SLC2A13: variants seen among roughly 807,000 people sequenced by gnomAD.
SLC2A13 encodes solute carrier family 2 member 13, also known as proton myo-inositol cotransporter.
Under a neutral mutation model 64.4 loss-of-function variants are expected in SLC2A13, and 32 were observed. The observed-to-expected ratio is 0.50, with a 90% CI of 0.37 to 0.67. The LOEUF is 0.67. Among genes scored for constraint, SLC2A13 ranks in the 30% least tolerant of loss-of-function variants. SLC2A13 has a pLI of 0.00. For missense variants in SLC2A13, 743 were observed against 829.2 expected (o/e 0.90, Z 1.28); for synonymous variants, 338 against 327.1 (o/e 1.03, Z -0.36).
chr12:39,795,023 C>T (rs1337396100), intron 7 of SLC2A13, among the ~76,000 whole-genome samples: 1 of 152,120 alleles, frequency 6.6e-6, no homozygotes, highest in Non-Finnish European at 1.5e-5. Context: ...TATTGTCTTA[C>T]TGCTGGGATG....
chr12:39,936,618 C>T (rs560651540), intron 4 of SLC2A13, among the ~76,000 whole-genome samples: 10 of 152,076 alleles, frequency 6.6e-5, no homozygotes, highest in Non-Finnish European at 1.3e-4. Flanking sequence ...CAAGGCCTGA[C>T]AGAAAATGGA....
At chr12:40,101,515 C>T (rs890065100) in intron 1 of SLC2A13, among the ~76,000 whole-genome samples, 1 of 152,110 alleles carries the variant, frequency 6.6e-6, no homozygotes, top group Non-Finnish European at 1.5e-5. Flanking sequence ...ATTTCAAAGA[C>T]ATGAGAAGAC....
chr12:40,078,552 A>C (rs1046256940), intron 1 of SLC2A13, among the ~76,000 whole-genome samples: 4 of 152,116 alleles, frequency 2.6e-5, no homozygotes, highest in South Asian at 2.1e-4. Context: ...TGTTTTGTTA[A>C]GGATTTTTGT....
At chr12:39,921,990 C>G (rs928144721) in intron 4 of SLC2A13, among the ~76,000 whole-genome samples, 6 of 151,304 alleles carry the variant, frequency 4.0e-5, no homozygotes, top group African/African-American at 1.5e-4. Flanking sequence ...AGTTTCAGCT[C>G]TAGTGCTTAT....
chr12:40,064,486 T>C (rs1215288746), intron 1 of SLC2A13, among the ~76,000 whole-genome samples: 4 of 152,028 alleles, frequency 2.6e-5, no homozygotes, highest in Non-Finnish European at 5.9e-5. Flanking sequence ...AAAATGACAA[T>C]AATCTCTGAA....
chr12:40,030,099 A>C (rs1043744876), intron 2 of SLC2A13, among the ~76,000 whole-genome samples: 1 of 152,190 alleles, frequency 6.6e-6, no homozygotes, highest in Non-Finnish European at 1.5e-5. Context: ...TTCTACATTA[A>C]CTAACCAGAA....
chr12:39,966,044 T>C (rs1452740872), intron 3 of SLC2A13, among the ~76,000 whole-genome samples: 1 of 151,528 alleles, frequency 6.6e-6, no homozygotes, highest in Non-Finnish European at 1.5e-5. Context: ...CTTTTTTTCA[T>C]ATATATATAC....
chr12:40,078,197 G>C (rs1305566407), intron 1 of SLC2A13, among the ~76,000 whole-genome samples: 1 of 152,156 alleles, frequency 6.6e-6, no homozygotes, highest in African/African-American at 2.4e-5. Context: ...CTGAATAGGA[G>C]TGGTGAGATT....
intron 7 of SLC2A13, among the ~76,000 whole-genome samples, chr12:39,805,646 C>T (rs962539305): frequency 1.1e-4 from 16 of 152,134 alleles, no homozygotes; most frequent in Admixed American, 2.6e-4. Flanking sequence ...CTGCTGACAG[C>T]GCTCCTTAAA....
intron 1 of SLC2A13, among the ~76,000 whole-genome samples, chr12:40,100,738 C>T (rs1293662878): frequency 6.6e-6 from 1 of 151,984 alleles, no homozygotes; most frequent in African/African-American, 2.4e-5. Context: ...CCGAAGCAGG[C>T]AGATCACCTG....
At chr12:40,035,760 A>G (rs1947974135) in intron 2 of SLC2A13, among the ~76,000 whole-genome samples, 1 of 152,210 alleles carries the variant, frequency 6.6e-6, no homozygotes, top group African/African-American at 2.4e-5. Context: ...ATAGCTTAGA[A>G]GAAGACTCCA....
chr12:39,772,166 G>T (rs982473464), intron 7 of SLC2A13, among the ~76,000 whole-genome samples: 10 of 152,086 alleles, frequency 6.6e-5, no homozygotes, highest in Non-Finnish European at 2.9e-5. Context: ...TCATCCCAGG[G>T]AGTACAGCAT....
At chr12:39,972,245 G>T (rs1480460578) in intron 3 of SLC2A13, among the ~76,000 whole-genome samples, 1 of 151,626 alleles carries the variant, frequency 6.6e-6, no homozygotes, top group Admixed American at 6.6e-5. Context: ...AGGAACACAG[G>T]AACAGCACTT....
At chr12:39,869,538 G>A (rs945981138) in intron 5 of SLC2A13, among the ~76,000 whole-genome samples, 4 of 152,172 alleles carry the variant, frequency 2.6e-5, no homozygotes, top group African/African-American at 9.7e-5. Flanking sequence ...TTTGTAGTGG[G>A]CAGAACTGAG....
At chr12:40,077,194 G>C (rs184864305) in intron 1 of SLC2A13, among the ~76,000 whole-genome samples, 85 of 151,938 alleles carry the variant, frequency 5.6e-4, no homozygotes, top group Non-Finnish European at 1.0e-3. Flanking sequence ...TGTTGCAATT[G>C]CTTTTGGAGT....
In SLC2A13 at chr12:39,859,803, C is replaced by A. The variant is rs560847803; in HGVS notation, c.1319+4959G>T. Among the ~76,000 whole-genome samples the A allele has an allele frequency of 2.0e-5, 3 of 152,044 alleles. No homozygotes were observed. The South Asian group carries it at 6.2e-4, about 32-fold the overall frequency. ...GGCCTCCCAAAGTGCTGGGATTACA[C>A]GCCTGAGCCATTGCGTCTGGCCTTA... On this transcript the variant is annotated intron_variant, in intron 6 of 9. Transcript: ENST00000280871.
intron 1 of SLC2A13, among the ~76,000 whole-genome samples, chr12:40,054,928 A>T (rs1269699023): frequency 6.6e-6 from 1 of 152,222 alleles, no homozygotes; most frequent in East Asian, 1.9e-4. Flanking sequence ...TTCTTGAACA[A>T]GAAGGATTAT....
At chr12:40,033,940 A>G (rs925371275) in intron 2 of SLC2A13, among the ~76,000 whole-genome samples, 12 of 152,304 alleles carry the variant, frequency 7.9e-5, no homozygotes, top group African/African-American at 2.9e-4. Context: ...GAAATTGTAC[A>G]GGAGTGAACA....
intron 1 of SLC2A13, among the ~76,000 whole-genome samples, chr12:40,093,353 C>T (rs1325005160): frequency 6.6e-6 from 1 of 152,188 alleles, no homozygotes; most frequent in African/African-American, 2.4e-5. Context: ...TAGGATTATA[C>T]TGTTTTAGTT....
Sources: allele counts gnomAD v4.1 joint callset (sites outside exome capture counted in the v4.1 genomes callset), GRCh38; gene constraint gnomAD v4.1.1; transcripts MANE v1.5; gene names NCBI Gene and HGNC (gene_info 2026-07-23, HGNC 2026-07-21).